COL4A6: variants seen among roughly 807,000 people sequenced by gnomAD.
COL4A6 encodes the protein collagen alpha-6(IV) chain.
COL4A6 carries 59 observed loss-of-function variants against 126.7 expected under a neutral mutation model. That is an observed-to-expected ratio of 0.47 (90% CI 0.38 to 0.58). The LOEUF is 0.58. COL4A6 is among the 20% of genes least tolerant of loss of function. COL4A6 has a pLI of 0.00. For synonymous variants in COL4A6, 547 were observed against 496.6 expected, an observed-to-expected ratio of 1.10 and a Z score of -1.35; for missense variants, 1,285 against 1,337.3, an observed-to-expected ratio of 0.96 and a Z score of 0.61.
intron 2 of COL4A6, among the ~76,000 whole-genome samples, chrX:108,338,720 T>A (rs1391556820): frequency 4.5e-5 from 5 of 112,263 alleles, no homozygotes; most frequent in Non-Finnish European, 9.4e-5. Context: ...GAGATTGCAC[T>A]GTTGCAAACA....
chrX:108,383,855 A>G lies in COL4A6; in HGVS notation c.63+54087T>C, dbSNP rs2040620990. 10 of 484,628 alleles carry G rather than the reference A, an allele frequency of 2.1e-5. No individual in the cohort carries two copies. The Admixed American group carries it at 2.7e-4, about 13-fold the overall frequency. The allele number at this position is 484,628 out of a possible 1,213,427, so 39.9% of individuals were successfully genotyped here. ...CTCAAACCAGATGCAAGTCACATGC[A>G]TGATATTGATGTGGATCTCAATGTT... On this transcript the variant is annotated intron_variant, in intron 2 of 44. Transcript: ENST00000334504.
At chrX:108,386,930 A>G (rs1338133507) in intron 2 of COL4A6, among the ~76,000 whole-genome samples, 2 of 112,145 alleles carry the variant, frequency 1.8e-5, no homozygotes, top group Non-Finnish European at 3.8e-5. Flanking sequence ...TGCTCTCTGC[A>G]TATGGCTAGA....
At position 108,210,994 on chromosome X, in the gene COL4A6, T is replaced by C. The variant is rs373944394; in HGVS notation, c.510+678A>G. Among the ~76,000 whole-genome samples, 3 of 111,700 alleles carry C rather than the reference T, an allele frequency of 2.7e-5. No individual in the cohort carries two copies. The East Asian group carries it at 8.4e-4, about 31-fold the overall frequency. On this transcript the variant is annotated intron_variant, in intron 7 of 44. Transcript: ENST00000334504. ...GAACTTGGTGCATCTTCTCCTCAGA[T>C]GTTGGGCACATACATTCTCATTTGC...
intron 3 of COL4A6, among the ~76,000 whole-genome samples, chrX:108,227,158 C>T (rs1305028475): frequency 8.9e-6 from 1 of 111,831 alleles, no homozygotes; most frequent in African/African-American, 3.3e-5. Flanking sequence ...TCCTTGAGGA[C>T]AGGGCTTATG....
Position 108,438,212 on chromosome X carries a change from G to C in COL4A6, c.-16C>G, listed in dbSNP as rs1446003152. 12 of 1,187,489 alleles carry C rather than the reference G, an allele frequency of 1.0e-5. No individual in the cohort carries two copies. Among genetic ancestry groups the C allele is most frequent in the Non-Finnish European group, 1.2e-5 (11 of 885,329 alleles). On this transcript the variant is annotated 5_prime_UTR_variant, in exon 1 of 45. Transcript: ENST00000334504. ...CAGGGTGCATGCTTGCGGCTCCTCC[G>C]GAGCTGGGTCCCGGGAGACTGCTAA...
chrX:108,292,212 T>G (rs2038180160), intron 3 of COL4A6, among the ~76,000 whole-genome samples: 1 of 112,220 alleles, frequency 8.9e-6, no homozygotes, highest in African/African-American at 3.2e-5. Flanking sequence ...CATTTACAGT[T>G]AAAAAGTAGG....
chrX:108,248,686 A>G (rs967979459), intron 3 of COL4A6, among the ~76,000 whole-genome samples: 4 of 111,124 alleles, frequency 3.6e-5, no homozygotes, highest in Non-Finnish European at 7.6e-5. Flanking sequence ...GCTCATTAAA[A>G]GAAGACATAA....
intron 3 of COL4A6, among the ~76,000 whole-genome samples, chrX:108,285,410 C>T (rs1171004540): frequency 8.9e-6 from 1 of 112,190 alleles, no homozygotes; most frequent in Non-Finnish European, 1.9e-5. Context: ...TGATGCTAAT[C>T]ATAGAGAAGC....
intron 6 of COL4A6, 104 bp from the exon 7 acceptor site, chrX:108,211,844 A>G (rs2035714334): frequency 1.2e-6 from 1 of 820,177 alleles, no homozygotes; most frequent in African/African-American, 2.0e-5. Flanking sequence ...GCCTGAAACC[A>G]TGTGGCTTTT....
chrX:108,364,808 T>C (rs2040162073), intron 2 of COL4A6, among the ~76,000 whole-genome samples: 1 of 111,860 alleles, frequency 8.9e-6, no homozygotes, highest in African/African-American at 3.3e-5. Context: ...TCTGGTTGAA[T>C]AGTATTCCAT....
chrX:108,318,474 C>A (rs2038941105), intron 2 of COL4A6, among the ~76,000 whole-genome samples: 1 of 110,514 alleles, frequency 9.0e-6, no homozygotes, highest in Non-Finnish European at 1.9e-5. Context: ...TCTAGAAAAC[C>A]CCATTGTCTC....
rs766846479 is a variant in COL4A6, at chrX:108,191,488, C to A, written c.1226G>T (p.Gly409Val). 9 of 1,211,104 alleles carry A rather than the reference C, an allele frequency of 7.4e-6. No homozygotes were observed. The highest frequency in any genetic ancestry group is 1.0e-5 in the Non-Finnish European group (9 of 895,158). The stretch of plus-strand genomic sequence containing the variant: ...GGTACGGCCTGGGTTTCCTTGGTCC[C>A]CCTTCAGCCCTGGAAATCCCTGAGG... ...LGPQGFPGLK[G>V]DQGNPGRTTI... Residue 409 changes from glycine to valine, a missense_variant, in exon 19 of 45, where the codon GGG becomes GTG. By Grantham distance (109) the Gly-to-Val change is moderately radical. Coordinates refer to ENST00000334504, the MANE Select transcript of COL4A6 (RefSeq NM_033641.4).
At position 108,180,880 on chromosome X, in the gene COL4A6, C is replaced by G; in HGVS notation, c.2023+17G>C. 1.7e-6 allele frequency: 2 copies of G among 1,202,156 alleles called. No homozygotes were observed. Among genetic ancestry groups the G allele is most frequent in the Non-Finnish European group, 2.3e-6 (2 of 886,815 alleles). On this transcript the variant is annotated intron_variant, in intron 24 of 44. Coordinates refer to ENST00000334504, the MANE Select transcript of COL4A6 (RefSeq NM_033641.4). ...TTACAAGAGTGTTTAGTGGCTTTCT[C>G]TGGCCTCATTCCATACCTGGGAATC...
intron 3 of COL4A6, among the ~76,000 whole-genome samples, chrX:108,284,298 T>C (rs1189305454): frequency 2.4e-5 from 1 of 41,707 alleles, no homozygotes; most frequent in Non-Finnish European, 4.2e-5. Flanking sequence ...CATCACACAC[T>C]GGGGCCTGTC....
chrX:108,418,033 T>C (rs375423258), intron 2 of COL4A6, among the ~76,000 whole-genome samples: 1 of 112,414 alleles, frequency 8.9e-6, no homozygotes, highest in East Asian at 2.8e-4. Context: ...ATTAAAACAA[T>C]GTTTCTTAAA....
At chrX:108,420,064 T>A (rs1446177899) in intron 2 of COL4A6, among the ~76,000 whole-genome samples, 1 of 111,538 alleles carries the variant, frequency 9.0e-6, no homozygotes, top group Non-Finnish European at 1.9e-5. Flanking sequence ...ACCAGAGATG[T>A]CTTTCTACAG....
At chrX:108,159,960 A>G (rs917883331) in intron 43 of COL4A6, 1 of 494,793 alleles carries the variant, frequency 2.0e-6, no homozygotes. Context: ...TCTTTTTATA[A>G]GCTGTATAAT....
At chrX:108,380,562 T>C (rs1283613959) in intron 2 of COL4A6, among the ~76,000 whole-genome samples, 1 of 112,414 alleles carries the variant, frequency 8.9e-6, no homozygotes, top group African/African-American at 3.2e-5. Context: ...GGGATCTTTT[T>C]CACCACTACT....
At chrX:108,354,605 C>G (rs1315497598) in intron 2 of COL4A6, among the ~76,000 whole-genome samples, 4 of 93,060 alleles carry the variant, frequency 4.3e-5, no homozygotes, top group South Asian at 6.5e-4. Flanking sequence ...CCCTCCCCCC[C>G]CCCTTTTTTT....
Sources: gnomAD v4.1 joint callset for allele counts (sites outside exome capture counted in the v4.1 genomes callset) on GRCh38, gnomAD v4.1.1 for gene constraint, MANE v1.5 for transcripts, NCBI Gene and HGNC (gene_info 2026-07-23, HGNC 2026-07-21) for gene names.